The following UTRN variants were observed in gnomAD, a reference collection of about 807,000 sequenced individuals.
The protein encoded by UTRN is utrophin, also known as dystrophin-related protein 1.
In UTRN, 283 loss-of-function variants were observed where a neutral mutation model predicts 463.9. That is an observed-to-expected ratio of 0.61 (90% CI 0.55 to 0.67). The LOEUF (loss-of-function observed/expected upper bound fraction) is 0.67. Ranked by LOEUF, UTRN falls within the 30% of genes least tolerant of loss-of-function variation. The pLI is 0.00. For synonymous variants in UTRN, 1,442 were observed against 1,431.5 expected (o/e 1.01, Z -0.17); for missense variants, 3,922 against 4,084.3 (o/e 0.96, Z 1.08).
intron 60 of UTRN, among the ~76,000 whole-genome samples, chr6:144,779,156 T>C (rs778404470): frequency 8.5e-5 from 13 of 152,306 alleles, no homozygotes; most frequent in East Asian, 5.8e-4. Flanking sequence ...CCTGATGCCA[T>C]GTGGGGATCC....
At chr6:144,840,023 A>C (rs1781425185) in intron 72 of UTRN, among the ~76,000 whole-genome samples, 2 of 152,080 alleles carry the variant, frequency 1.3e-5, no homozygotes, top group South Asian at 4.2e-4. Flanking sequence ...CCCCATCTCT[A>C]CTAAAAATAC....
intron 51 of UTRN, among the ~76,000 whole-genome samples, chr6:144,607,991 C>T (rs1251342886): frequency 6.6e-6 from 1 of 152,080 alleles, no homozygotes; most frequent in Non-Finnish European, 1.5e-5. Context: ...TCTTGTGTTC[C>T]CCAGATTTCA....
chr6:144,325,453 C>T (rs1227671721), intron 2 of UTRN, among the ~76,000 whole-genome samples: 2 of 152,130 alleles, frequency 1.3e-5, no homozygotes, highest in Non-Finnish European at 2.9e-5. Context: ...ATGCCAGTGC[C>T]ATGCTTTTGG....
chr6:144,682,912 G>C (rs1782358896), intron 52 of UTRN, among the ~76,000 whole-genome samples: 1 of 151,864 alleles, frequency 6.6e-6, no homozygotes, highest in Non-Finnish European at 1.5e-5. Flanking sequence ...TCTTTGTTTG[G>C]CACTAATTTA....
chr6:144,737,830 T>G (rs1384087097), intron 54 of UTRN, among the ~76,000 whole-genome samples: 2 of 52,048 alleles, frequency 3.8e-5, no homozygotes, highest in East Asian at 6.9e-3. Flanking sequence ...AATTGAACTG[T>G]TTTTTTTTTT....
At chr6:144,829,004 C>G in intron 69 of UTRN, 149 bp downstream of exon 69, 3 of 805,092 alleles carry the variant, frequency 3.7e-6, no homozygotes, top group African/African-American at 1.7e-5. Flanking sequence ...AGATTTTATG[C>G]TTTCAAACCA....
Position 144,840,763 on chromosome 6 carries a change from C to G in UTRN, c.10201C>G (p.Pro3401Ala). Residue 3401 changes from proline to alanine, a missense_variant, in exon 73 of 75, where the codon CCG (proline) becomes GCG (alanine). Around this residue, in one of 3 missense-constraint regions of UTRN, gnomAD observed 1,309 missense variants for 1,452.6 expected, o/e 0.90. Coordinates refer to ENST00000367545, the MANE Select transcript of UTRN (RefSeq NM_007124.3). ...AGCGGGAGAGGACCTGCTGGCCCCA[C>G]CGCACGACACCAGCACGGATCTCAC... is the stretch of plus-strand genomic sequence containing the variant. ...QAAGEDLLAPPHDTSTDLTEV... is the reference protein window; with the variant it reads ...QAAGEDLLAPAHDTSTDLTEV... 1 of 1,614,026 alleles carries G rather than the reference C, an allele frequency of 6.2e-7. No homozygotes were observed. Among genetic ancestry groups the G allele is most frequent in the Non-Finnish European group, 8.5e-7 (1 of 1,179,964 alleles).
intron 51 of UTRN, among the ~76,000 whole-genome samples, chr6:144,672,442 G>A (rs9484895): frequency 1.9e-3 from 290 of 151,942 alleles, no homozygotes; most frequent in African/African-American, 6.9e-3. Context: ...GCTTATGTGT[G>A]TAAAGGTGTT....
chr6:144,450,552 T>C (rs1311043437), intron 17 of UTRN, among the ~76,000 whole-genome samples: 2 of 152,190 alleles, frequency 1.3e-5, no homozygotes, highest in East Asian at 3.9e-4. Context: ...ATTCTTTTGT[T>C]ATTGCCTGTT....
At chr6:144,715,752 A>G (rs1786362074) in intron 53 of UTRN, among the ~76,000 whole-genome samples, 2 of 139,984 alleles carry the variant, frequency 1.4e-5, no homozygotes, top group Non-Finnish European at 3.0e-5. Flanking sequence ...AATCTAACAC[A>G]ATGACTTATT....
At chr6:144,487,034 T>G (rs756315061) in intron 28 of UTRN, among the ~76,000 whole-genome samples, 11 of 152,348 alleles carry the variant, frequency 7.2e-5, no homozygotes, top group Admixed American at 3.9e-4. Flanking sequence ...TGTAGGAAAA[T>G]GACTACTTAT....
intron 59 of UTRN, among the ~76,000 whole-genome samples, chr6:144,772,940 C>T (rs1468776246): frequency 6.7e-6 from 1 of 150,350 alleles, no homozygotes; most frequent in Non-Finnish European, 1.5e-5. Flanking sequence ...AGGATGCCCC[C>T]TTTTTTAATC....
At chr6:144,289,951 GC>G (rs150324973) in intron 1 of UTRN, among the ~76,000 whole-genome samples, 4,577 of 152,204 alleles carry the variant, frequency 0.03, 214 homozygotes, top group African/African-American at 0.1. Flanking sequence ...ACCTTGCCCG[GC>G]CTAGTTTTCC....
Position 144,554,881 on chromosome 6 carries a change from T to A in UTRN, c.7122T>A (p.Ile2374=). Residue 2374 remains isoleucine, a synonymous_variant, in exon 49 of 75, where the codon ATT becomes ATA. Transcript: ENST00000367545. The stretch of plus-strand genomic sequence containing the variant: ...GACGGGATCCACTCACCAAACAAAT[T>A]TCTGATAACCAAGTAAGACTCATCA... ...QARRDPLTKQ[I]SDNQILLQEL... The A allele has an allele frequency of 6.2e-7, 1 of 1,613,986 alleles. No homozygotes were observed.
chr6:144,532,795 T>C (rs781208828), intron 42 of UTRN, among the ~76,000 whole-genome samples: 28 of 152,232 alleles, frequency 1.8e-4, no homozygotes, highest in Non-Finnish European at 3.8e-4. Context: ...TGCTTATGCT[T>C]TAATGTAAAC....
At chr6:144,681,055 A>G (rs1782147096) in intron 52 of UTRN, among the ~76,000 whole-genome samples, 3 of 152,164 alleles carry the variant, frequency 2.0e-5, no homozygotes, top group Admixed American at 2.0e-4. Context: ...GATGCCTCGG[A>G]TGAGCCTGTT....
chr6:144,827,271 C>T (rs2297845), intron 66 of UTRN, 77 bp from the exon 67 acceptor site: 182,987 of 1,550,844 alleles, frequency 0.12, 14,822 homozygotes, highest in East Asian at 0.47. Flanking sequence ...AATCTCCCCA[C>T]ACCCCCACTG....
At position 144,730,336 on chromosome 6, in the gene UTRN, C is replaced by A. The variant is rs574042624; in HGVS notation, c.7810-21C>A. 5 of 1,559,414 alleles carry A rather than the reference C, an allele frequency of 3.2e-6. No individual in the cohort carries two copies. The East Asian group carries it at 7.2e-5, about 23-fold the overall frequency. Reference sequence around the variant, plus strand: ...TGAACACGTGAGGTTACAAACTCAACTTTTGCTTCTCTTTTGAAAGGCCCT... The same window carrying A: ...TGAACACGTGAGGTTACAAACTCAAATTTTGCTTCTCTTTTGAAAGGCCCT... On this transcript the variant is annotated intron_variant, in intron 53 of 74. Transcript: ENST00000367545.
chr6:144,515,382 G>A (rs1205779786), intron 37 of UTRN, among the ~76,000 whole-genome samples: 2 of 152,096 alleles, frequency 1.3e-5, no homozygotes, highest in Admixed American at 6.6e-5. Context: ...GTTATGAAAT[G>A]ATGAAACTAA....
Sources: gnomAD v4.1 joint callset for allele counts (sites outside exome capture counted in the v4.1 genomes callset) on GRCh38, gnomAD v4.1.1 for gene constraint, gnomAD v4.1.1 regional missense constraint, MANE v1.5 for transcripts, NCBI Gene and HGNC (gene_info 2026-07-23, HGNC 2026-07-21) for gene names.